Variants in TAB2 observed in about 807,000 individuals in gnomAD.
TAB2 encodes TGF-beta activated kinase 1 (MAP3K7) binding protein 2, also known as TGF-beta-activated kinase 1 and MAP3K7-binding protein 2.
Under a neutral mutation model 65.0 loss-of-function variants are expected in TAB2, and 3 were observed. The observed-to-expected ratio is 0.05, with a 90% CI of 0.02 to 0.12. TAB2 has a LOEUF of 0.12. Among genes scored for constraint, TAB2 ranks in the 10% least tolerant of loss-of-function variants. The pLI, the probability that TAB2 is intolerant of heterozygous loss-of-function variation, is 1.00. For synonymous variants in TAB2, 298 were observed against 285.1 expected, an observed-to-expected ratio of 1.05 and a Z score of -0.46; for missense variants, 623 against 840.3, an observed-to-expected ratio of 0.74 and a Z score of 3.20.
intron 1 of TAB2, among the ~76,000 whole-genome samples, chr6:149,294,418 C>T (rs1411300564): frequency 6.6e-6 from 1 of 152,180 alleles, no homozygotes; most frequent in Non-Finnish European, 1.5e-5. Context: ...TTTAACTTTA[C>T]TTCTTTGAAA....
intron 1 of TAB2, among the ~76,000 whole-genome samples, chr6:149,327,549 A>G (rs1215946693): frequency 6.6e-6 from 1 of 152,204 alleles, no homozygotes; most frequent in African/African-American, 2.4e-5. Flanking sequence ...TGTATGTTGC[A>G]GATGTATGTA....
chr6:149,402,829 A>C (rs1782481808), intron 6 of TAB2, among the ~76,000 whole-genome samples: 1 of 152,210 alleles, frequency 6.6e-6, no homozygotes, highest in Non-Finnish European at 1.5e-5. Flanking sequence ...AACATACACA[A>C]ATCAGTTAAT....
chr6:149,372,015 A>T (rs946043446), intron 2 of TAB2, among the ~76,000 whole-genome samples: 2 of 152,168 alleles, frequency 1.3e-5, no homozygotes, highest in African/African-American at 4.8e-5. Flanking sequence ...AGGTTATTAA[A>T]AAACTAACAG....
intron 2 of TAB2, among the ~76,000 whole-genome samples, chr6:149,377,237 A>AT (rs1200864216): frequency 1.3e-5 from 2 of 150,144 alleles, no homozygotes; most frequent in Non-Finnish European, 3.0e-5. Flanking sequence ...CGCCCGGCTA[A>AT]TTTTTTTTTA....
intron 1 of TAB2, among the ~76,000 whole-genome samples, chr6:149,360,918 G>A (rs1025981568): frequency 2.0e-5 from 3 of 152,208 alleles, no homozygotes; most frequent in African/African-American, 7.2e-5. Flanking sequence ...CAGTAGGGCA[G>A]TCATTAAATC....
chr6:149,285,386 C>A (rs1428499935), intron 1 of TAB2, among the ~76,000 whole-genome samples: 1 of 152,186 alleles, frequency 6.6e-6, no homozygotes, highest in East Asian at 1.9e-4. Context: ...TTCAACTCAG[C>A]CTTTCCTTAG....
intron 1 of TAB2, chr6:149,257,383 C>A (rs900086044): frequency 1.3e-5 from 2 of 152,098 alleles, no homozygotes; most frequent in Non-Finnish European, 2.9e-5. Context: ...TCTGCACCCA[C>A]CTGTGTGTGG....
chr6:149,221,593 T>C (rs189758844), intron 1 of TAB2, among the ~76,000 whole-genome samples: 11 of 152,312 alleles, frequency 7.2e-5, no homozygotes, highest in Admixed American at 1.3e-4. Context: ...AAAGCCAGGC[T>C]TTTTCTGTCC....
chr6:149,292,106 C>T (rs928197123), intron 1 of TAB2, among the ~76,000 whole-genome samples: 2 of 152,104 alleles, frequency 1.3e-5, no homozygotes, highest in Non-Finnish European at 2.9e-5. Flanking sequence ...TGAGAAACTT[C>T]ATAAAGGAGT....
chr6:149,365,581 A>G (rs887102348), intron 1 of TAB2, among the ~76,000 whole-genome samples: 3 of 152,094 alleles, frequency 2.0e-5, no homozygotes, highest in Admixed American at 2.0e-4. Flanking sequence ...GAGTTTGACT[A>G]TCTTGTGCCT....
chr6:149,281,931 A>G (rs1259481631), intron 1 of TAB2, among the ~76,000 whole-genome samples: 1 of 152,238 alleles, frequency 6.6e-6, no homozygotes, highest in Non-Finnish European at 1.5e-5. Flanking sequence ...ACACTAATCA[A>G]AAGAAAGCTG....
chr6:149,218,525 T>C (rs1317711752), upstream of TAB2: 2 of 175,314 alleles, frequency 1.1e-5, no homozygotes. Context: ...GTTGGGTCTC[T>C]GGCTCATGCT....
At chr6:149,260,709 T>C (rs769778746) in intron 1 of TAB2, among the ~76,000 whole-genome samples, 15 of 152,158 alleles carry the variant, frequency 9.9e-5, no homozygotes, top group African/African-American at 2.9e-4. Flanking sequence ...TGGTATTCAC[T>C]GAGAAGCGCT....
intron 1 of TAB2, among the ~76,000 whole-genome samples, chr6:149,319,153 G>C (rs1779355654): frequency 6.6e-6 from 1 of 152,138 alleles, no homozygotes; most frequent in African/African-American, 2.4e-5. Context: ...AAGGAATTTC[G>C]TTTCCGCTTT....
At chr6:149,326,938 TTG>T (rs1779638569) in intron 1 of TAB2, among the ~76,000 whole-genome samples, 1 of 152,226 alleles carries the variant, frequency 6.6e-6, no homozygotes, top group Non-Finnish European at 1.5e-5. Context: ...TCACATCCTT[TTG>T]GATAGGTCAC....
intron 1 of TAB2, among the ~76,000 whole-genome samples, chr6:149,350,873 T>C (rs1269495793): frequency 6.6e-6 from 1 of 152,156 alleles, no homozygotes; most frequent in African/African-American, 2.4e-5. Flanking sequence ...TAGTTTGACA[T>C]ATATTAAAAC....
In TAB2 at chr6:149,379,537, G is replaced by T. The variant is rs1021858149; in HGVS notation, c.1603+19G>T. The T allele has an allele frequency of 2.5e-6, 4 of 1,613,366 alleles. No individual in the cohort carries two copies. Among genetic ancestry groups the T allele is most frequent in the East Asian group, 4.5e-5 (2 of 44,900 alleles). On this transcript the variant is annotated intron_variant, in intron 3 of 6. Transcript: ENST00000637181. ...ACACAAGGTAATATGAATACTAAAG[G>T]TGGGATGGTTTTCCATGCTGGGCTT...
chr6:149,278,912 C>T (rs550050349), intron 1 of TAB2, among the ~76,000 whole-genome samples: 1 of 152,016 alleles, frequency 6.6e-6, no homozygotes, highest in South Asian at 2.1e-4. Flanking sequence ...AACCCCATCC[C>T]ACAATATAAA....
intron 1 of TAB2, among the ~76,000 whole-genome samples, chr6:149,365,264 T>A (rs1019434890): frequency 2.0e-5 from 3 of 152,188 alleles, no homozygotes; most frequent in Non-Finnish European, 4.4e-5. Context: ...TATTTCTTGG[T>A]TTTTGTTTTG....
Sources: gnomAD v4.1 joint callset for allele counts (sites outside exome capture counted in the v4.1 genomes callset) on GRCh38, gnomAD v4.1.1 for gene constraint, MANE v1.5 for transcripts, NCBI Gene and HGNC (gene_info 2026-07-23, HGNC 2026-07-21) for gene names.